Variants in ARID4A observed in about 807,000 individuals in gnomAD.
The protein encoded by ARID4A is AT-rich interaction domain 4A, also known as AT-rich interactive domain-containing protein 4A.
ARID4A carries 39 observed loss-of-function variants against 148.6 expected under a neutral mutation model. That is an observed-to-expected ratio of 0.26 (90% CI 0.20 to 0.34). The LOEUF (loss-of-function observed/expected upper bound fraction) is 0.34. Ranked by LOEUF, ARID4A falls within the 10% of genes least tolerant of loss-of-function variation. ARID4A has a pLI of 1.00. For missense variants in ARID4A, 1,265 were observed against 1,449.1 expected (o/e 0.87, Z 2.06); for synonymous variants, 475 against 481.2 (o/e 0.99, Z 0.17).
At chr14:58,317,386 G>A (rs1459659235) in intron 5 of ARID4A, among the ~76,000 whole-genome samples, 1 of 146,872 alleles carries the variant, frequency 6.8e-6, no homozygotes. Context: ...CTGGGTTCAC[G>A]CCATTCTCCC....
chr14:58,365,593 C>A lies in ARID4A; in HGVS notation c.3287C>A (p.Ala1096Asp), dbSNP rs771961228. 1 of 1,610,008 alleles carries A rather than the reference C, an allele frequency of 6.2e-7. No individual in the cohort carries two copies. The highest frequency in any genetic ancestry group is 1.7e-5 in the Admixed American group (1 of 59,412). The change falls in exon 21 of 24, where the codon GCT becomes GAT. Residue 1096 changes from alanine to aspartate, a missense_variant. Ala to Asp is a moderately radical substitution (Grantham distance 126, BLOSUM62 -2). Coordinates refer to ENST00000355431, the MANE Select transcript of ARID4A (RefSeq NM_002892.4). ...AAGCGTACCCCAAAGCGAACAAGTG[C>A]TGCAGCCAAAAATGAAAAGAATGGA... ...KQKRTPKRTSAAAKNEKNGTG... is the reference protein window; with the variant it reads ...KQKRTPKRTSDAAKNEKNGTG...
rs189353586 is a variant in ARID4A at position 58,298,952 on chromosome 14, G to A, written c.-58+252G>A. On this transcript the variant is annotated intron_variant, in intron 1 of 23. Coordinates refer to ENST00000355431, the MANE Select transcript of ARID4A (RefSeq NM_002892.4). ...TTCCCGGGAAAATGGCTGTGGGGCT[G>A]GCCGCGCCGCTAAGTTTGCTTCCGC... Among the ~76,000 whole-genome samples the A allele has an allele frequency of 6.6e-3, 1,001 of 152,300 alleles. 14 individuals are homozygous for A. The highest frequency in any genetic ancestry group is 0.023 in the African/African-American group (952 of 41,564).
At chr14:58,338,126 C>T (rs932299902) in intron 11 of ARID4A, among the ~76,000 whole-genome samples, 2 of 152,008 alleles carry the variant, frequency 1.3e-5, no homozygotes, top group South Asian at 2.1e-4. Flanking sequence ...AAAGATAAAA[C>T]GCAAGTTTTA....
chr14:58,307,130 C>G (rs2031669536), intron 5 of ARID4A, among the ~76,000 whole-genome samples: 1 of 152,188 alleles, frequency 6.6e-6, no homozygotes, highest in South Asian at 2.1e-4. Context: ...TCAAACTGCA[C>G]AATCCTGTGG....
intron 3 of ARID4A, among the ~76,000 whole-genome samples, chr14:58,303,105 T>C (rs1276914900): frequency 1.3e-5 from 2 of 152,196 alleles, no homozygotes; most frequent in Non-Finnish European, 2.9e-5. Flanking sequence ...ATTATAAACA[T>C]TTTTAACATT....
chr14:58,301,891 A>G (rs1299737278), intron 3 of ARID4A, among the ~76,000 whole-genome samples: 1 of 152,192 alleles, frequency 6.6e-6, no homozygotes. Flanking sequence ...TCAAAATACC[A>G]TGCTCATGAT....
chr14:58,372,002 C>G lies in ARID4A; in HGVS notation c.*13C>G. On this transcript the variant is annotated 3_prime_UTR_variant, in exon 24 of 24. Coordinates refer to ENST00000355431, the MANE Select transcript of ARID4A (RefSeq NM_002892.4). ...AGAATGCAGGTGATAAACATTTTCT[C>G]TACCTTCCCAGCAGTTTGCTGCCAT... The G allele has an allele frequency of 6.4e-7, 1 of 1,560,692 alleles. No individual in the cohort carries two copies. Among genetic ancestry groups the G allele is most frequent in the Non-Finnish European group, 8.8e-7 (1 of 1,132,494 alleles).
Position 58,309,250 on chromosome 14 carries a change from G to A in ARID4A, c.274+3138G>A, listed in dbSNP as rs117710740. ...ACCGCCTTAGCCTCCCAAAGTGTTG[G>A]GATTACAGGCATGAGCCACTGCTCT... On this transcript the variant is annotated intron_variant, in intron 5 of 23. Transcript: ENST00000355431. Among the ~76,000 whole-genome samples the A allele has an allele frequency of 3.3e-5, 5 of 152,254 alleles. No individual in the cohort carries two copies. In the East Asian group the frequency reaches 5.8e-4, roughly 18 times the overall value.
chr14:58,353,492 A>C, intron 16 of ARID4A, 166 bp from the exon 17 acceptor site: 1 of 604,264 alleles, frequency 1.7e-6, no homozygotes, highest in South Asian at 2.3e-5. Context: ...TTCCTTAGTA[A>C]GTAGGCCACA....
Position 58,311,312 on chromosome 14 carries a change from A to G in ARID4A, c.274+5200A>G, listed in dbSNP as rs188882889. 1.5e-3 allele frequency among the ~76,000 whole-genome samples: 228 copies of G among 152,302 alleles called. 1 individual carries two copies. The highest frequency in any genetic ancestry group is 2.5e-3 in the Non-Finnish European group (171 of 68,016). On this transcript the variant is annotated intron_variant, in intron 5 of 23. Coordinates refer to ENST00000355431, the MANE Select transcript of ARID4A (RefSeq NM_002892.4). ...GAAATTTCTCAAAAGCAGACGTACA[A>G]ATGGCCCACAGGTATGTAAAGAACT... is the stretch of plus-strand genomic sequence containing the variant.
intron 3 of ARID4A, among the ~76,000 whole-genome samples, chr14:58,304,518 T>C (rs2031449058): frequency 6.6e-6 from 1 of 152,236 alleles, no homozygotes; most frequent in Non-Finnish European, 1.5e-5. Context: ...AGCTTCACTT[T>C]ATAAAGGATC....
Position 58,301,695 on chromosome 14 carries a change from T to C in ARID4A, c.117+5T>C. On this transcript the variant is annotated splice_donor_5th_base_variant and intron_variant, in intron 3 of 23. Transcript: ENST00000355431. ...AAAAGGCTGGTGAAAGTTAAGGTAA[T>C]ATTTGTTTTTATGCAATAGTTTTAT... 1.2e-6 allele frequency: 2 copies of C among 1,603,326 alleles called. No homozygotes were observed. The highest frequency in any genetic ancestry group is 1.7e-6 in the Non-Finnish European group (2 of 1,170,952).
At chr14:58,366,389 TATAAATCTGTGTCTTTTC>T (rs1490689892) in intron 22 of ARID4A, among the ~76,000 whole-genome samples, 159 bp downstream of exon 22, 1 of 152,242 alleles carries the variant, frequency 6.6e-6, no homozygotes, top group Non-Finnish European at 1.5e-5. Flanking sequence ...TTGTCTTAAG[TATAAATCTGTGTCTTTTC>T]ATAAAACTGA....
intron 13 of ARID4A, 82 bp downstream of exon 13, chr14:58,346,587 T>C (rs2034375754): frequency 1.2e-6 from 1 of 830,770 alleles, no homozygotes; most frequent in Admixed American, 2.5e-5. Context: ...TATATGCACA[T>C]TGGATAATAA....
intron 12 of ARID4A, 28 bp from the exon 13 acceptor site, chr14:58,346,383 T>G (rs2034366130): frequency 6.7e-7 from 1 of 1,485,614 alleles, no homozygotes; most frequent in East Asian, 2.3e-5. Context: ...GAATAAACAT[T>G]TTATTTCTAC....
intron 14 of ARID4A, 26 bp from the exon 15 acceptor site, chr14:58,347,621 T>C: frequency 6.7e-7 from 1 of 1,488,074 alleles, no homozygotes; most frequent in Non-Finnish European, 9.1e-7. Flanking sequence ...CTGTAAGATT[T>C]CTTAAATGAA....
chr14:58,368,120 G>T (rs2035437797), intron 23 of ARID4A, among the ~76,000 whole-genome samples: 1 of 152,122 alleles, frequency 6.6e-6, no homozygotes, highest in Admixed American at 6.6e-5. Flanking sequence ...AAATCAGTAG[G>T]CCTGTAGACT....
intron 17 of ARID4A, among the ~76,000 whole-genome samples, chr14:58,356,858 T>G (rs1419490448): frequency 2.0e-5 from 3 of 152,008 alleles, no homozygotes; most frequent in African/African-American, 4.8e-5. Flanking sequence ...CACGCCACCA[T>G]GCCCAGCTAA....
rs189564235 is a variant in ARID4A at position 58,309,142 on chromosome 14, A to C, written c.274+3030A>C. Among the ~76,000 whole-genome samples the C allele has an allele frequency of 1.1e-4, 16 of 152,230 alleles. No homozygotes were observed. In the East Asian group the frequency reaches 3.1e-3, roughly 29 times the overall value. On this transcript the variant is annotated intron_variant, in intron 5 of 23. Coordinates refer to ENST00000355431, the MANE Select transcript of ARID4A (RefSeq NM_002892.4). ...TTTGTTTGTTCGTTTTAGAGACAGGATCTTGCTCTGTTGCCCAGGCTTTTG... is the reference window on the plus strand; with the variant it reads ...TTTGTTTGTTCGTTTTAGAGACAGGCTCTTGCTCTGTTGCCCAGGCTTTTG...
Sources: gnomAD v4.1 joint callset for allele counts (sites outside exome capture counted in the v4.1 genomes callset) on GRCh38, gnomAD v4.1.1 for gene constraint, MANE v1.5 for transcripts, NCBI Gene and HGNC (gene_info 2026-07-23, HGNC 2026-07-21) for gene names.